The following SACM1L variants were observed in gnomAD, a reference collection of about 807,000 sequenced individuals.
The protein encoded by SACM1L is phosphatidylinositol-3-phosphatase SAC1.
SACM1L carries 32 observed loss-of-function variants against 89.5 expected under a neutral mutation model. That is an observed-to-expected ratio of 0.36 (90% CI 0.27 to 0.48). SACM1L has a LOEUF of 0.48. Ranked by LOEUF, SACM1L falls within the 20% of genes least tolerant of loss-of-function variation. SACM1L has a pLI of 0.99. For missense variants in SACM1L, 543 were observed against 708.5 expected (o/e 0.77, Z 2.65); for synonymous variants, 213 against 232.8 (o/e 0.92, Z 0.77).
chr3:45,713,905 A>C (rs531637374), intron 6 of SACM1L, 141 bp from the exon 7 acceptor site: 1 of 386,968 alleles, frequency 2.6e-6, no homozygotes, highest in Admixed American at 4.5e-5. Context: ...GTTACATTAG[A>C]GAAATCTTTT....
At position 45,702,234 on chromosome 3, in the gene SACM1L, A is replaced by G. The variant is rs562163364; in HGVS notation, c.33-1204A>G. Among the ~76,000 whole-genome samples, 4 of 152,308 alleles carry G rather than the reference A, an allele frequency of 2.6e-5. No homozygotes were observed. In the East Asian group the frequency reaches 7.7e-4, roughly 29 times the overall value. On this transcript the variant is annotated intron_variant, in intron 1 of 19. Transcript: ENST00000389061. The stretch of plus-strand genomic sequence containing the variant: ...GAACTTGCAGTAAAAAAGAGTCAAA[A>G]GTTTGTTTTGCTGCAGGACATTTTT...
chr3:45,733,556 T>C (rs1699125623), intron 13 of SACM1L, among the ~76,000 whole-genome samples: 1 of 152,218 alleles, frequency 6.6e-6, no homozygotes, highest in African/African-American at 2.4e-5. Context: ...GATCCATATG[T>C]AGATTTTTCA....
At chr3:45,719,632 G>GT (rs1698744062) in intron 8 of SACM1L, 31 bp downstream of exon 8, 1 of 1,261,442 alleles carries the variant, frequency 7.9e-7, no homozygotes, top group African/African-American at 1.5e-5. Context: ...GGTCATATCT[G>GT]TAATTAATAT....
intron 14 of SACM1L, among the ~76,000 whole-genome samples, chr3:45,736,446 T>G (rs1204401269): frequency 1.3e-5 from 2 of 152,248 alleles, no homozygotes; most frequent in African/African-American, 4.8e-5. Flanking sequence ...AGGTAATTAG[T>G]AAGCATTCAG....
intron 1 of SACM1L, chr3:45,690,342 C>G (rs997794996): frequency 6.6e-6 from 1 of 152,330 alleles, no homozygotes; most frequent in Non-Finnish European, 1.5e-5. Context: ...AATGCTTTAC[C>G]CCTAGGCTGT....
intron 16 of SACM1L, 56 bp from the exon 17 acceptor site, chr3:45,738,522 C>A: frequency 9.8e-7 from 1 of 1,017,490 alleles, no homozygotes; most frequent in Non-Finnish European, 1.5e-6. Context: ...GGCCATAAAA[C>A]AGTGTGAGAA....
chr3:45,710,885 A>C (rs1698511196), intron 5 of SACM1L, among the ~76,000 whole-genome samples: 1 of 152,178 alleles, frequency 6.6e-6, no homozygotes, highest in Non-Finnish European at 1.5e-5. Flanking sequence ...GCTTTTAACT[A>C]CAAAGAGACT....
At chr3:45,690,694 G>A (rs1488496371) in intron 1 of SACM1L, among the ~76,000 whole-genome samples, 2 of 152,148 alleles carry the variant, frequency 1.3e-5, no homozygotes, top group East Asian at 3.8e-4. Context: ...AATGTTCTTT[G>A]AAAACCCTAG....
At chr3:45,720,354 C>T (rs1221998291) in intron 8 of SACM1L, among the ~76,000 whole-genome samples, 2 of 152,094 alleles carry the variant, frequency 1.3e-5, no homozygotes, top group Non-Finnish European at 2.9e-5. Flanking sequence ...ACAGGTAGTG[C>T]ATTTACATAT....
At chr3:45,735,517 A>G (rs1699178484) in intron 14 of SACM1L, 144 bp downstream of exon 14, 1 of 754,070 alleles carries the variant, frequency 1.3e-6, no homozygotes, top group Admixed American at 3.6e-5. Context: ...TGGATGTCAC[A>G]TTTTCCATAA....
chr3:45,735,460 AT>A, intron 14 of SACM1L, 87 bp downstream of exon 14: 1 of 1,311,642 alleles, frequency 7.6e-7, no homozygotes, highest in Non-Finnish European at 1.0e-6. Flanking sequence ...AAATATTCAC[AT>A]TGCCCACACC....
intron 14 of SACM1L, among the ~76,000 whole-genome samples, chr3:45,736,911 G>C (rs1156386044): frequency 6.6e-6 from 1 of 152,112 alleles, no homozygotes; most frequent in Non-Finnish European, 1.5e-5. Context: ...TGCTGTGTCT[G>C]AGGGTGGGAA....
At chr3:45,738,988 T>C in intron 18 of SACM1L, 115 bp downstream of exon 18, 1 of 655,516 alleles carries the variant, frequency 1.5e-6, no homozygotes, top group East Asian at 2.7e-5. Context: ...TTACATGAAA[T>C]ATAAATACTT....
At chr3:45,700,473 G>C (rs1382676066) in intron 1 of SACM1L, among the ~76,000 whole-genome samples, 1 of 152,160 alleles carries the variant, frequency 6.6e-6, no homozygotes, top group Non-Finnish European at 1.5e-5. Context: ...CCAAATAGGA[G>C]CAGTGGTGAT....
chr3:45,721,382 C>T (rs1277139781), intron 8 of SACM1L, among the ~76,000 whole-genome samples: 3 of 152,128 alleles, frequency 2.0e-5, no homozygotes, highest in Admixed American at 6.5e-5. Context: ...CTTAGCTGGG[C>T]GTGGTGGCGC....
chr3:45,705,002 A>C, intron 2 of SACM1L, 133 bp from the exon 3 acceptor site: 1 of 595,508 alleles, frequency 1.7e-6, no homozygotes, highest in Non-Finnish European at 3.0e-6. Context: ...ATTTAAGTTA[A>C]GGAATGTTGC....
chr3:45,736,977 G>A (rs1055162281), intron 14 of SACM1L, among the ~76,000 whole-genome samples: 2 of 152,158 alleles, frequency 1.3e-5, no homozygotes, highest in African/African-American at 4.8e-5. Flanking sequence ...TGAAGATGGT[G>A]GTTCTCAGAA....
intron 14 of SACM1L, among the ~76,000 whole-genome samples, chr3:45,736,222 TTATC>T (rs1195588342): frequency 6.6e-6 from 1 of 152,202 alleles, no homozygotes. Flanking sequence ...TTGTTTCTAT[TTATC>T]TCTCTCTTAT....
At chr3:45,735,035 T>G in intron 13 of SACM1L, 200 bp from the exon 14 acceptor site, 1 of 435,100 alleles carries the variant, frequency 2.3e-6, no homozygotes, top group Non-Finnish European at 4.0e-6. Context: ...ATTTTTTGGA[T>G]GGAGGGCTGT....
Sources: gnomAD v4.1 joint callset for allele counts (sites outside exome capture counted in the v4.1 genomes callset) on GRCh38, gnomAD v4.1.1 for gene constraint, MANE v1.5 for transcripts, NCBI Gene and HGNC (gene_info 2026-07-23, HGNC 2026-07-21) for gene names.